The following PRKN variants were observed in gnomAD, a reference collection of about 807,000 sequenced individuals.
PRKN encodes E3 ubiquitin-protein ligase parkin.
A neutral mutation model predicts 59.5 loss-of-function variants in PRKN; 56 were observed. The observed-to-expected ratio is 0.94, with a 90% CI of 0.76 to 1.18. The LOEUF is 1.18. PRKN is among the 50% of genes most tolerant of loss of function. PRKN has a pLI of 0.00. For missense variants in PRKN, 657 were observed against 596.4 expected (o/e 1.10, Z -1.06); for synonymous variants, 250 against 222.1 (o/e 1.13, Z -1.12).
chr6:162,054,526 AAT>A (rs1446466263), intron 4 of PRKN, among the ~76,000 whole-genome samples: 1 of 152,036 alleles, frequency 6.6e-6, no homozygotes, highest in East Asian at 1.9e-4. Context: ...TTTGCTTCAT[AAT>A]AATTATTACT....
intron 7 of PRKN, among the ~76,000 whole-genome samples, chr6:161,730,427 T>G (rs1414022913): frequency 6.6e-6 from 1 of 151,306 alleles, no homozygotes; most frequent in Admixed American, 6.6e-5. Context: ...TCTGATATGT[T>G]GCATTCTGAT....
intron 1 of PRKN, among the ~76,000 whole-genome samples, chr6:162,520,795 A>T (rs987630787): frequency 7.4e-5 from 11 of 149,024 alleles, no homozygotes; most frequent in South Asian, 4.4e-4. Flanking sequence ...TAAGGCCCTT[A>T]GTTTAAAAAA....
At chr6:162,667,649 T>C (rs1471274986) in intron 1 of PRKN, among the ~76,000 whole-genome samples, 2 of 152,148 alleles carry the variant, frequency 1.3e-5, no homozygotes, top group Non-Finnish European at 2.9e-5. Context: ...CATAGATCTT[T>C]TGAGTTCCCT....
chr6:161,835,607 G>A (rs1163214375), intron 6 of PRKN, among the ~76,000 whole-genome samples: 1 of 152,186 alleles, frequency 6.6e-6, no homozygotes, highest in African/African-American at 2.4e-5. Context: ...GGCCCCATGC[G>A]TTTCCACGCC....
intron 6 of PRKN, among the ~76,000 whole-genome samples, chr6:161,825,524 T>G (rs555032186): frequency 6.6e-6 from 1 of 152,212 alleles, no homozygotes; most frequent in South Asian, 2.1e-4. Flanking sequence ...TGTCAAACTC[T>G]CAAGAGATTT....
intron 9 of PRKN, among the ~76,000 whole-genome samples, chr6:161,539,063 C>G (rs549563866): frequency 6.6e-6 from 1 of 152,194 alleles, no homozygotes; most frequent in African/African-American, 2.4e-5. Context: ...CTGCCCTTAC[C>G]CCCAAGGGGC....
intron 4 of PRKN, among the ~76,000 whole-genome samples, chr6:162,190,214 C>A (rs1278856261): frequency 6.6e-6 from 1 of 152,124 alleles, no homozygotes; most frequent in East Asian, 1.9e-4. Context: ...AGTCACTTTA[C>A]AAATCATATT....
At chr6:161,421,739 T>A (rs1180611238) in intron 9 of PRKN, among the ~76,000 whole-genome samples, 3 of 152,172 alleles carry the variant, frequency 2.0e-5, no homozygotes, top group African/African-American at 4.8e-5. Flanking sequence ...AGAACTTTTG[T>A]GCAGGGTCTA....
chr6:161,372,529 G>A lies in PRKN; in HGVS notation c.1168-12324C>T, dbSNP rs1332056570. Among the ~76,000 whole-genome samples the A allele has an allele frequency of 6.6e-6, 1 of 152,180 alleles. No homozygotes were observed. Among genetic ancestry groups the A allele is most frequent in the East Asian group, 1.9e-4 (1 of 5,204 alleles). ...GTGCCAGGCACTGTCCTGGACCCTG[G>A]GGATACATCCCAGTAAACAAGAGAG... On this transcript the variant is annotated intron_variant, in intron 10 of 11. Coordinates refer to ENST00000366898, the MANE Select transcript of PRKN (RefSeq NM_004562.3). This position sits in a 1 kb window ranked among gnomAD's most constrained non-coding sequence, Gnocchi z 4.2.
chr6:161,533,207 A>ATT lies in PRKN; in HGVS notation c.1083+15645_1083+15646dup, dbSNP rs768592128. On this transcript the variant is annotated intron_variant, in intron 9 of 11. Coordinates refer to ENST00000366898, the MANE Select transcript of PRKN (RefSeq NM_004562.3). The surrounding 1 kb of genome is among the most constrained non-coding windows in gnomAD (Gnocchi z 4.1). ...GGTATTAGTCTTAAATGCATATGAT[A>ATT]TTACAAAACTAAAATTCTTAAAATA... Among the ~76,000 whole-genome samples, 1 of 152,214 alleles carries ATT rather than the reference A, an allele frequency of 6.6e-6. No homozygotes were observed. Among genetic ancestry groups the ATT allele is most frequent in the East Asian group, 1.9e-4 (1 of 5,194 alleles).
At chr6:162,108,232 A>T (rs1780275272) in intron 4 of PRKN, among the ~76,000 whole-genome samples, 1 of 152,266 alleles carries the variant, frequency 6.6e-6, no homozygotes, top group African/African-American at 2.4e-5. Flanking sequence ...CCAAAAGAGA[A>T]AGACAAGCCT....
At chr6:161,505,310 G>A (rs1191296274) in intron 9 of PRKN, among the ~76,000 whole-genome samples, 1 of 151,710 alleles carries the variant, frequency 6.6e-6, no homozygotes, top group Non-Finnish European at 1.5e-5. Context: ...TTTTTTGGCT[G>A]CATAAATGTC....
At chr6:162,013,782 A>G (rs1258883640) in intron 5 of PRKN, among the ~76,000 whole-genome samples, 1 of 152,210 alleles carries the variant, frequency 6.6e-6, no homozygotes, top group African/African-American at 2.4e-5. Flanking sequence ...AAAACTACTT[A>G]TTAAATTCAT....
At position 161,863,172 on chromosome 6, in the gene PRKN, TCACTAAAGAA is replaced by T. The variant is rs552347681; in HGVS notation, c.735-77274_735-77265del. ...GATATTCTTCTCTATAATGCATTTA[TCACTAAAGAA>T]CATTCAATTTTTGAGACAGAAGAAT... On this transcript the variant is annotated intron_variant, in intron 6 of 11. Transcript: ENST00000366898. 4.5e-3 allele frequency among the ~76,000 whole-genome samples: 682 copies of T among 152,276 alleles called. 4 individuals carry two copies. The highest frequency in any genetic ancestry group is 0.015 in the African/African-American group (635 of 41,564).
chr6:162,379,304 A>G (rs1235330099), intron 2 of PRKN, among the ~76,000 whole-genome samples: 1 of 152,068 alleles, frequency 6.6e-6, no homozygotes, highest in African/African-American at 2.4e-5. Flanking sequence ...CATGGTTCCT[A>G]TGGGCTGGGA....
Position 162,376,728 on chromosome 6 carries a change from A to G in PRKN, c.171+66582T>C, listed in dbSNP as rs1208297964. Among the ~76,000 whole-genome samples, 18 of 126,908 alleles carry G rather than the reference A, an allele frequency of 1.4e-4. No homozygotes were observed. In the East Asian group the frequency reaches 5.3e-3, roughly 37 times the overall value. The allele number at this position is 126,908 out of a possible 152,430, so 83.3% of individuals were successfully genotyped here. A position where few individuals can be genotyped will look rare whatever the true frequency, so the allele number is the denominator to read the frequency against. ...GAGAGAGGGGGAAAGGGAAGGGGAG[A>G]GGGAGGGAGTGGGAGAGGGAGACGG... On this transcript the variant is annotated intron_variant, in intron 2 of 11. Transcript: ENST00000366898.
At chr6:162,156,741 T>C (rs1277430051) in intron 4 of PRKN, among the ~76,000 whole-genome samples, 3 of 152,112 alleles carry the variant, frequency 2.0e-5, no homozygotes, top group African/African-American at 7.2e-5. Flanking sequence ...CCAGGAACAA[T>C]ACTTTGCATC....
At chr6:161,865,713 C>T (rs1794085251) in intron 6 of PRKN, among the ~76,000 whole-genome samples, 1 of 152,194 alleles carries the variant, frequency 6.6e-6, no homozygotes, top group Non-Finnish European at 1.5e-5. Context: ...TAGGGCCTTG[C>T]TCTGGATTAG....
At chr6:162,162,470 CAA>C (rs1254258239) in intron 4 of PRKN, among the ~76,000 whole-genome samples, 2 of 152,088 alleles carry the variant, frequency 1.3e-5, no homozygotes, top group African/African-American at 4.8e-5. Flanking sequence ...TGGTACTGCC[CAA>C]AGTTTCAGGC....
Sources: allele counts gnomAD v4.1 joint callset (sites outside exome capture counted in the v4.1 genomes callset), GRCh38; gene constraint gnomAD v4.1.1; non-coding constraint Gnocchi (gnomAD v3.1); transcripts MANE v1.5; gene names NCBI Gene and HGNC (gene_info 2026-07-23, HGNC 2026-07-21).